The following NBL1 variants were observed in gnomAD, a reference collection of about 807,000 sequenced individuals.
NBL1 encodes the protein NBL1, DAN family BMP antagonist.
NBL1 carries 9 observed loss-of-function variants against 16.0 expected under a neutral mutation model. The ratio of observed to expected loss-of-function variants is 0.56; its 90% CI spans 0.34 to 0.98. The LOEUF (loss-of-function observed/expected upper bound fraction) is 0.98, where lower values mean the gene tolerates loss of function less well. Among genes scored for constraint, NBL1 ranks in the 50% least tolerant of loss-of-function variants. NBL1 has a pLI of 0.02. For synonymous variants in NBL1, 86 were observed against 100.7 expected (o/e 0.85, Z 0.87); for missense variants, 196 against 243.1 (o/e 0.81, Z 1.29).
rs1355984361 is a variant in NBL1, at chr1:19,644,792, C to T, written c.-20+346C>T. ...GATGCGTGGCCGGGCGGGCCGGGCT[C>T]GCATGTCCCCCGGCCGTGCCCGGGC... On this transcript the variant is annotated intron_variant, in intron 1 of 3. Coordinates refer to ENST00000375136, the MANE Select transcript of NBL1 (RefSeq NM_005380.8). This position sits in a 1 kb window ranked among gnomAD's most constrained non-coding sequence, Gnocchi z 4.6. Among the ~76,000 whole-genome samples the T allele has an allele frequency of 1.3e-5, 2 of 151,630 alleles. No homozygotes were observed. Among genetic ancestry groups the T allele is most frequent in the Middle Eastern group, 7.0e-3 (2 of 284 alleles).
At chr1:19,654,425 T>C (rs545053608) in intron 1 of NBL1, among the ~76,000 whole-genome samples, 19 of 152,148 alleles carry the variant, frequency 1.2e-4, no homozygotes, top group African/African-American at 3.4e-4. Flanking sequence ...CAAAAAGAAA[T>C]CACAGCAACG....
upstream of NBL1, chr1:19,643,473 GAAGCA>G: frequency 6.3e-7 from 1 of 1,587,022 alleles, no homozygotes; most frequent in South Asian, 1.1e-5. The surrounding 1 kb of genome is among the most constrained non-coding windows in gnomAD (Gnocchi z 4.7). Context: ...CCACTTTCCA[GAAGCA>G]AAGTTATTTT....
In NBL1 at chr1:19,657,087, C is replaced by T. The variant is rs776248573; in HGVS notation, c.504C>T (p.Pro168=). The T allele has an allele frequency of 5.6e-5, 85 of 1,515,258 alleles. No homozygotes were observed. The South Asian group carries it at 1.0e-3, about 19-fold the overall frequency. The allele number at this position is 1,515,258 out of a possible 1,614,324, so 93.9% of individuals were successfully genotyped here. A position where few individuals can be genotyped will look rare whatever the true frequency, so the allele number is the denominator to read the frequency against. ...GGCAGACCCCTGAGCCCGAGGACCC[C>T]CCTGGGGCCCCCCACACAGAGGAAG... is the stretch of plus-strand genomic sequence containing the variant. ...PGGQTPEPED[P]PGAPHTEEEG... is the part of the protein sequence containing the mutation. Residue 168 remains proline, a synonymous_variant, in exon 4 of 4, where the codon CCC becomes CCT. Coordinates refer to ENST00000375136, the MANE Select transcript of NBL1 (RefSeq NM_005380.8).
At chr1:19,649,969 G>GTTTTCTTTTCTTTTCTTTTC (rs111903141) in intron 1 of NBL1, among the ~76,000 whole-genome samples, 79 of 151,732 alleles carry the variant, frequency 5.2e-4, no homozygotes, top group Middle Eastern at 3.4e-3. Flanking sequence ...CCTACTTTAC[G>GTTTTCTTTTCTTTTCTTTTC]TTTTCTTTTC....
At chr1:19,649,195 C>T (rs917817700) in intron 1 of NBL1, among the ~76,000 whole-genome samples, 1 of 151,984 alleles carries the variant, frequency 6.6e-6, no homozygotes, top group African/African-American at 2.4e-5. Flanking sequence ...AGTGTAAGCC[C>T]AAGCAGATTT....
chr1:19,650,951 C>T (rs570817625), intron 1 of NBL1, among the ~76,000 whole-genome samples: 2 of 152,258 alleles, frequency 1.3e-5, no homozygotes, highest in East Asian at 1.9e-4. Flanking sequence ...CTGGCATCCT[C>T]GCTGCCTCCT....
At chr1:19,650,672 G>A (rs1010111195) in intron 1 of NBL1, among the ~76,000 whole-genome samples, 1 of 152,102 alleles carries the variant, frequency 6.6e-6, no homozygotes, top group Non-Finnish European at 1.5e-5. Flanking sequence ...CCTTCAGGGC[G>A]GGAGGAAGGG....
chr1:19,643,557 A>G (rs909606461), upstream of NBL1: 1 of 1,434,908 alleles, frequency 7.0e-7, no homozygotes, highest in Admixed American at 2.6e-5. The surrounding 1 kb of genome is among the most constrained non-coding windows in gnomAD (Gnocchi z 4.7). Flanking sequence ...CCCACTGATT[A>G]GATAGGAACC....
At chr1:19,643,461 C>G, upstream of NBL1, 2 of 1,599,090 alleles carry the variant, frequency 1.3e-6, no homozygotes, top group Non-Finnish European at 1.7e-6. This position sits in a 1 kb window ranked among gnomAD's most constrained non-coding sequence, Gnocchi z 4.7. Context: ...GTCCCTGGGC[C>G]ACCACTTTCC....
rs2094965816 is a variant in NBL1, at chr1:19,644,522, A to C, written c.-20+76A>C. The C allele has an allele frequency of 1.2e-6, 1 of 828,072 alleles. No homozygotes were observed. The allele number at this position is 828,072 out of a possible 1,614,324, so 51.3% of individuals were successfully genotyped here. A position where few individuals can be genotyped will look rare whatever the true frequency, so the allele number is the denominator to read the frequency against. ...GCCGCGGGGGCAGTGCCGCGCCCCC[A>C]GCCCGGAGCTGCGTCCCCCGGCGCG... On this transcript the variant is annotated intron_variant, in intron 1 of 3. Transcript: ENST00000375136. The surrounding 1 kb of genome is among the most constrained non-coding windows in gnomAD (Gnocchi z 4.6).
Position 19,644,361 on chromosome 1 carries a change from C to G in NBL1, c.-105C>G. 6 of 978,450 alleles carry G rather than the reference C, an allele frequency of 6.1e-6. No homozygotes were observed. The highest frequency in any genetic ancestry group is 7.3e-6 in the Non-Finnish European group (6 of 826,782). 60.6% of individuals were successfully genotyped at this position (978,450 alleles called of 1,614,324 possible). On this transcript the variant is annotated 5_prime_UTR_variant, in exon 1 of 4. Coordinates refer to ENST00000375136, the MANE Select transcript of NBL1 (RefSeq NM_005380.8). The surrounding 1 kb of genome is among the most constrained non-coding windows in gnomAD (Gnocchi z 4.6). ...CCGAGCGTCGCGGGGCCGCCCCCCG[C>G]CCTGCCGGCCGCCTCGCCGAGCCTC...
Position 19,656,883 on chromosome 1 carries a change from G to A in NBL1, c.300G>A (p.Pro100=), listed in dbSNP as rs373716922. The change falls in exon 4 of 4, where the codon CCG becomes CCA. Residue 100 remains proline (P), a synonymous_variant. Coordinates refer to ENST00000375136, the MANE Select transcript of NBL1 (RefSeq NM_005380.8). ...SMWEIVTLEC[P]GHEEVPRVDK... is the part of the protein sequence containing the mutation. ...CTCTGCAGGTGACGCTGGAGTGCCC[G>A]GGCCACGAGGAGGTGCCCAGGGTGG... is the stretch of plus-strand genomic sequence containing the variant. 89 of 1,611,668 alleles carry A rather than the reference G, an allele frequency of 5.5e-5. No homozygotes were observed. The highest frequency in any genetic ancestry group is 9.9e-5 in the South Asian group (9 of 90,962).
intron 3 of NBL1, among the ~76,000 whole-genome samples, chr1:19,655,864 G>A (rs59232326): frequency 0.034 from 5,155 of 152,164 alleles, 144 homozygotes; most frequent in African/African-American, 0.075. Flanking sequence ...TGCTCCGTTC[G>A]CTTCTACCCC....
upstream of NBL1, chr1:19,644,289 C>G: frequency 1.0e-6 from 1 of 979,680 alleles, no homozygotes; most frequent in Non-Finnish European, 1.2e-6. This position sits in a 1 kb window ranked among gnomAD's most constrained non-coding sequence, Gnocchi z 4.6. Context: ...CGCTCCCCCG[C>G]GCCGCGCGCC....
chr1:19,646,945 C>G (rs1019402413), intron 1 of NBL1, among the ~76,000 whole-genome samples: 2 of 152,160 alleles, frequency 1.3e-5, no homozygotes, highest in Non-Finnish European at 1.5e-5. Flanking sequence ...CAGGACCTGC[C>G]GAGGATCCTG....
Position 19,656,880 on chromosome 1 carries a change from C to T in NBL1, c.297C>T (p.Cys99=). ...GCCCTCTGCAGGTGACGCTGGAGTG[C>T]CCGGGCCACGAGGAGGTGCCCAGGG... ...QSMWEIVTLE[C]PGHEEVPRVD... The change falls in exon 4 of 4, where the codon TGC becomes TGT. Residue 99 remains cysteine, a synonymous_variant. Coordinates refer to ENST00000375136, the MANE Select transcript of NBL1 (RefSeq NM_005380.8). The T allele has an allele frequency of 6.2e-7, 1 of 1,611,328 alleles. No individual in the cohort carries two copies. Among genetic ancestry groups the T allele is most frequent in the Middle Eastern group, 1.7e-4 (1 of 6,042 alleles).
At chr1:19,650,114 A>G (rs1279300119) in intron 1 of NBL1, among the ~76,000 whole-genome samples, 1 of 152,122 alleles carries the variant, frequency 6.6e-6, no homozygotes, top group African/African-American at 2.4e-5. Context: ...TGTTACAGTG[A>G]CCTACAGTAT....
chr1:19,643,530 C>T (rs2094960269), upstream of NBL1: 1 of 1,472,330 alleles, frequency 6.8e-7, no homozygotes, highest in Non-Finnish European at 9.0e-7. The surrounding 1 kb of genome is among the most constrained non-coding windows in gnomAD (Gnocchi z 4.7). Flanking sequence ...AAGGTACGGC[C>T]GCAATCCACC....
rs1004689980 is a variant in NBL1, at chr1:19,656,720, C to A, written c.283-146C>A. The A allele has an allele frequency of 4.4e-6, 6 of 1,364,260 alleles. No individual in the cohort carries two copies. The African/African-American group carries it at 5.9e-5, about 13-fold the overall frequency. 84.5% of individuals were successfully genotyped at this position (1,364,260 alleles called of 1,614,324 possible). A position where few individuals can be genotyped will look rare whatever the true frequency, so the allele number is the denominator to read the frequency against. On this transcript the variant is annotated intron_variant, in intron 3 of 3. Coordinates refer to ENST00000375136, the MANE Select transcript of NBL1 (RefSeq NM_005380.8). ...TGGCTTGTGCAGGGGTTCAATTTCC[C>A]CCTCCCCATGGGACCCCAGAGCTAA...
Sources: allele counts gnomAD v4.1 joint callset (sites outside exome capture counted in the v4.1 genomes callset), GRCh38; gene constraint gnomAD v4.1.1; non-coding constraint Gnocchi (gnomAD v3.1); transcripts MANE v1.5; gene names NCBI Gene and HGNC (gene_info 2026-07-23, HGNC 2026-07-21).